Variants in PSD3 observed in about 807,000 individuals in gnomAD.
PSD3 encodes pleckstrin and Sec7 domain containing 3.
PSD3 carries 49 observed loss-of-function variants against 105.5 expected under a neutral mutation model. That is an observed-to-expected ratio of 0.46 (90% CI 0.37 to 0.59). The LOEUF is 0.59. PSD3 is among the 20% of genes least tolerant of loss of function. The pLI is 0.00. For synonymous variants in PSD3, 557 were observed against 457.8 expected, an observed-to-expected ratio of 1.22 and a Z score of -2.77; for missense variants, 1,561 against 1,263.8, an observed-to-expected ratio of 1.24 and a Z score of -3.57.
intron 1 of PSD3, among the ~76,000 whole-genome samples, chr8:19,048,535 T>C (rs1828405563): frequency 7.1e-6 from 1 of 140,006 alleles, no homozygotes; most frequent in South Asian, 2.4e-4. Context: ...AGTGCTAGCT[T>C]GTATATCCGT....
intron 9 of PSD3, among the ~76,000 whole-genome samples, chr8:18,744,724 A>G (rs1804865783): frequency 6.6e-6 from 1 of 152,146 alleles, no homozygotes; most frequent in Non-Finnish European, 1.5e-5. Context: ...CAAAACCAGA[A>G]CGTTAATGTT....
chr8:18,992,757 G>C (rs1437227584), intron 1 of PSD3, among the ~76,000 whole-genome samples: 1 of 152,038 alleles, frequency 6.6e-6, no homozygotes, highest in Non-Finnish European at 1.5e-5. Flanking sequence ...TTTTTAAGTA[G>C]TGGACTTGAA....
chr8:18,584,788 A>G (rs1803052370), intron 12 of PSD3, among the ~76,000 whole-genome samples: 1 of 152,344 alleles, frequency 6.6e-6, no homozygotes, highest in South Asian at 2.1e-4. Context: ...TGTCTCTTCA[A>G]AAAGGTGGGG....
chr8:18,819,070 G>A (rs529723244), intron 4 of PSD3, among the ~76,000 whole-genome samples: 12 of 51,150 alleles, frequency 2.3e-4, no homozygotes, highest in South Asian at 1.9e-3. Flanking sequence ...AGAACTTCCC[G>A]GCAAGACTAC....
chr8:18,778,210 G>GT (rs899548742), intron 8 of PSD3, among the ~76,000 whole-genome samples: 2 of 152,172 alleles, frequency 1.3e-5, no homozygotes, highest in South Asian at 4.1e-4. Flanking sequence ...TTATTCCCAG[G>GT]TTTTTTCTTT....
chr8:18,915,017 C>T lies in PSD3; in HGVS notation c.130+21017G>A, dbSNP rs548527625. Among the ~76,000 whole-genome samples, 11 of 151,290 alleles carry T rather than the reference C, an allele frequency of 7.3e-5. No individual in the cohort carries two copies. In the South Asian group the frequency reaches 1.9e-3, roughly 26 times the overall value. On this transcript the variant is annotated intron_variant, in intron 2 of 15. Coordinates refer to ENST00000327040, the MANE Select transcript of PSD3 (RefSeq NM_015310.4). ...TAAAAACAGACCTAAACCAATGGAACAGAATAGGAAGCCCATAAATAAAGC... is the reference window on the plus strand; with the variant it reads ...TAAAAACAGACCTAAACCAATGGAATAGAATAGGAAGCCCATAAATAAAGC...
intron 1 of PSD3, among the ~76,000 whole-genome samples, chr8:18,968,494 C>A (rs1426917): frequency 6.6e-6 from 1 of 152,116 alleles, no homozygotes; most frequent in Non-Finnish European, 1.5e-5. Flanking sequence ...TCACATCACA[C>A]GATGCACGCT....
chr8:18,548,713 T>A (rs2130059686), intron 15 of PSD3, among the ~76,000 whole-genome samples: 1 of 152,312 alleles, frequency 6.6e-6, no homozygotes. Context: ...ACAGGTAGTT[T>A]GCACTTGCTA....
chr8:18,902,696 G>A (rs1056411374), intron 2 of PSD3, among the ~76,000 whole-genome samples: 11 of 152,164 alleles, frequency 7.2e-5, no homozygotes, highest in African/African-American at 2.7e-4. Context: ...GGGTTTTACT[G>A]TGCTGGTTGG....
rs1288375832 is a variant in PSD3, at chr8:18,530,044, T to C, written c.*5699A>G. On this transcript the variant is annotated 3_prime_UTR_variant, in exon 16 of 16. Coordinates refer to ENST00000327040, the MANE Select transcript of PSD3 (RefSeq NM_015310.4). ...CATTACTGCAGCCTGGAGCTGAAGT[T>C]AGTCTCCCACCCCACAATTCAAACT... The C allele has an allele frequency of 6.6e-6, 1 of 152,588 alleles. No individual in the cohort carries two copies. The highest frequency in any genetic ancestry group is 1.5e-5 in the Non-Finnish European group (1 of 68,040). The allele number at this position is 152,588 out of a possible 1,614,324, so 9.5% of individuals were successfully genotyped here.
intron 9 of PSD3, among the ~76,000 whole-genome samples, chr8:18,713,095 T>TA (rs1230167012): frequency 2.0e-5 from 3 of 152,144 alleles, no homozygotes; most frequent in Admixed American, 6.5e-5. Flanking sequence ...CCCTTCATGT[T>TA]AAAAATTCTG....
chr8:18,626,816 G>A (rs1277921126), intron 11 of PSD3, among the ~76,000 whole-genome samples: 1 of 152,078 alleles, frequency 6.6e-6, no homozygotes, highest in African/African-American at 2.4e-5. Context: ...TGGTGGGGGA[G>A]ACAGGATTAG....
At chr8:18,712,918 T>C (rs58810956) in intron 9 of PSD3, among the ~76,000 whole-genome samples, 3,846 of 152,184 alleles carry the variant, frequency 0.025, 167 homozygotes, top group African/African-American at 0.082. Context: ...CCGAAGCACA[T>C]TGAAAAACTT....
intron 1 of PSD3, among the ~76,000 whole-genome samples, chr8:19,074,001 A>G (rs889142356): frequency 6.6e-6 from 1 of 152,028 alleles, no homozygotes. Context: ...CGTGTTAGCC[A>G]GGATGGTCTC....
intron 2 of PSD3, among the ~76,000 whole-genome samples, chr8:18,876,977 T>G (rs1817771318): frequency 6.6e-6 from 1 of 152,208 alleles, no homozygotes; most frequent in Admixed American, 6.5e-5. Context: ...TTGTGCATCT[T>G]TTTTAGAGAC....
chr8:18,721,449 T>C (rs939036578), intron 9 of PSD3, among the ~76,000 whole-genome samples: 2 of 152,188 alleles, frequency 1.3e-5, no homozygotes, highest in Admixed American at 6.5e-5. Flanking sequence ...TCCTTTTGTT[T>C]TTCCTTGAAG....
At chr8:18,691,214 T>A (rs1800956964) in intron 9 of PSD3, among the ~76,000 whole-genome samples, 1 of 152,158 alleles carries the variant, frequency 6.6e-6, no homozygotes, top group Admixed American at 6.5e-5. Context: ...AACACCCGTA[T>A]AAGTTAAACA....
intron 9 of PSD3, among the ~76,000 whole-genome samples, chr8:18,764,490 A>G (rs1806803656): frequency 6.6e-6 from 1 of 152,166 alleles, no homozygotes; most frequent in Admixed American, 6.5e-5. Flanking sequence ...AAATAAAGTT[A>G]GTAAGACTAA....
chr8:18,593,637 G>T (rs1424037669), intron 12 of PSD3, among the ~76,000 whole-genome samples: 1 of 152,020 alleles, frequency 6.6e-6, no homozygotes, highest in Non-Finnish European at 1.5e-5. Context: ...TATACCCAAA[G>T]GATTATAAAT....
Sources: gnomAD v4.1 joint callset for allele counts (sites outside exome capture counted in the v4.1 genomes callset) on GRCh38, gnomAD v4.1.1 for gene constraint, MANE v1.5 for transcripts, NCBI Gene and HGNC (gene_info 2026-07-23, HGNC 2026-07-21) for gene names.